Variants in IGSF21 observed in about 807,000 individuals in gnomAD.
IGSF21 encodes immunoglobin superfamily member 21, also known as immunoglobulin superfamily member 21.
A neutral mutation model predicts 46.8 loss-of-function variants in IGSF21; 28 were observed. The observed-to-expected ratio is 0.60, with a 90% CI of 0.44 to 0.82. The LOEUF is 0.82. IGSF21 is among the 40% of genes least tolerant of loss of function. The pLI is 0.00. For synonymous variants in IGSF21, 284 were observed against 273.6 expected, an observed-to-expected ratio of 1.04 and a Z score of -0.38; for missense variants, 624 against 665.5, an observed-to-expected ratio of 0.94 and a Z score of 0.69.
chr1:18,189,767 A>G (rs1216615523), intron 1 of IGSF21, among the ~76,000 whole-genome samples: 1 of 152,096 alleles, frequency 6.6e-6, no homozygotes, highest in Non-Finnish European at 1.5e-5. Context: ...AACAATGGGG[A>G]GTGGCTGTAA....
At chr1:18,208,015 A>G (rs903791718) in intron 1 of IGSF21, among the ~76,000 whole-genome samples, 1 of 152,198 alleles carries the variant, frequency 6.6e-6, no homozygotes, top group Non-Finnish European at 1.5e-5. Context: ...AGTGGCAGGA[A>G]TTCGCTTTGA....
intron 2 of IGSF21, among the ~76,000 whole-genome samples, chr1:18,286,335 C>T (rs957201507): frequency 2.0e-5 from 3 of 152,178 alleles, no homozygotes; most frequent in South Asian, 2.1e-4. Flanking sequence ...AACATCCCTT[C>T]GTATGCCAGG....
chr1:18,219,514 A>C (rs2084485477), intron 1 of IGSF21, among the ~76,000 whole-genome samples: 1 of 151,742 alleles, frequency 6.6e-6, no homozygotes, highest in African/African-American at 2.4e-5. Flanking sequence ...TGAGGAAACA[A>C]ATGATGGTGG....
At chr1:18,135,661 T>C (rs1209438510) in intron 1 of IGSF21, among the ~76,000 whole-genome samples, 1 of 152,190 alleles carries the variant, frequency 6.6e-6, no homozygotes, top group African/African-American at 2.4e-5. Context: ...CAGTCTATCA[T>C]TGTTGGACAT....
intron 1 of IGSF21, among the ~76,000 whole-genome samples, chr1:18,153,691 T>A (rs1015913382): frequency 1.3e-5 from 2 of 151,210 alleles, no homozygotes; most frequent in Admixed American, 6.6e-5. Context: ...GAAGTGATCA[T>A]CTGTGGTGGT....
chr1:18,150,761 C>T (rs189893801), intron 1 of IGSF21, among the ~76,000 whole-genome samples: 116 of 152,344 alleles, frequency 7.6e-4, no homozygotes, highest in African/African-American at 2.5e-3. Context: ...CAAGATACCC[C>T]ATCAGGGACT....
At chr1:18,116,642 C>T (rs963594871) in intron 1 of IGSF21, among the ~76,000 whole-genome samples, 1 of 152,170 alleles carries the variant, frequency 6.6e-6, no homozygotes, top group Non-Finnish European at 1.5e-5. Flanking sequence ...TAAGCAGCTG[C>T]CCCAGGCCTG....
At chr1:18,171,071 G>A (rs1251054317) in intron 1 of IGSF21, among the ~76,000 whole-genome samples, 1 of 151,926 alleles carries the variant, frequency 6.6e-6, no homozygotes, top group Non-Finnish European at 1.5e-5. Context: ...GACTAGGTGT[G>A]TGGAATGAGC....
At chr1:18,227,242 G>C (rs1285759090) in intron 1 of IGSF21, among the ~76,000 whole-genome samples, 1 of 152,112 alleles carries the variant, frequency 6.6e-6, no homozygotes, top group Non-Finnish European at 1.5e-5. Context: ...AGGGTGTTAA[G>C]GAAGCCAATG....
intron 5 of IGSF21, among the ~76,000 whole-genome samples, chr1:18,364,803 C>T (rs1569883165): frequency 1.3e-5 from 2 of 152,152 alleles, no homozygotes; most frequent in East Asian, 1.9e-4. Context: ...TTTCCCTCAT[C>T]CCCAGGACCT....
intron 1 of IGSF21, among the ~76,000 whole-genome samples, chr1:18,225,062 ATCTCTC>A (rs111721151): frequency 0.042 from 2,678 of 63,714 alleles, 191 homozygotes; most frequent in African/African-American, 0.15. Flanking sequence ...GAGACTCTGT[ATCTCTC>A]TCTCTCTCTC....
At chr1:18,155,862 A>T (rs1459095845) in intron 1 of IGSF21, among the ~76,000 whole-genome samples, 2 of 152,360 alleles carry the variant, frequency 1.3e-5, no homozygotes, top group East Asian at 1.9e-4. Context: ...TCCCTGCGGG[A>T]TCAAGAACGG....
Position 18,291,858 on chromosome 1 carries a change from T to G in IGSF21, c.184-8T>G. 6.2e-7 allele frequency: 1 copy of G among 1,613,496 alleles called. No homozygotes were observed. Among genetic ancestry groups the G allele is most frequent in the Non-Finnish European group, 8.5e-7 (1 of 1,179,624 alleles). On this transcript the variant is annotated splice_polypyrimidine_tract_variant and splice_region_variant and intron_variant, in intron 2 of 9. Coordinates refer to ENST00000251296, the MANE Select transcript of IGSF21 (RefSeq NM_032880.5). Reference sequence around the variant, plus strand: ...CTCACGTGTGGCTATCTCTGTGCTCTGTGGCAGGTGACGGATGGTGGCACC... The same window carrying G: ...CTCACGTGTGGCTATCTCTGTGCTCGGTGGCAGGTGACGGATGGTGGCACC...
intron 2 of IGSF21, among the ~76,000 whole-genome samples, chr1:18,246,803 T>C (rs554142471): frequency 6.6e-6 from 1 of 152,274 alleles, no homozygotes; most frequent in African/African-American, 2.4e-5. Context: ...GTCCTCAGGC[T>C]CTGCACCCTG....
chr1:18,273,432 T>C (rs2124547805), intron 2 of IGSF21, among the ~76,000 whole-genome samples: 2 of 136,372 alleles, frequency 1.5e-5, no homozygotes, highest in South Asian at 4.5e-4. Context: ...TTCCTTTCCT[T>C]TCTTTCTTTC....
chr1:18,184,252 G>A (rs572753667), intron 1 of IGSF21, among the ~76,000 whole-genome samples: 2 of 152,256 alleles, frequency 1.3e-5, no homozygotes, highest in East Asian at 1.9e-4. Context: ...TTTCAAAGAT[G>A]ATGAGAGATA....
chr1:18,122,813 A>G (rs1869806), intron 1 of IGSF21, among the ~76,000 whole-genome samples: 146,894 of 152,044 alleles, frequency 0.97, 71,142 homozygotes, highest in East Asian at 1. Flanking sequence ...TTTTAGTAGA[A>G]ATGGGGTTTC....
At chr1:18,272,667 T>C (rs1166887400) in intron 2 of IGSF21, among the ~76,000 whole-genome samples, 1 of 152,262 alleles carries the variant, frequency 6.6e-6, no homozygotes, top group Non-Finnish European at 1.5e-5. Flanking sequence ...GCTGGATCTC[T>C]TAATAGGTTG....
chr1:18,116,818 T>C (rs1323349194), intron 1 of IGSF21, among the ~76,000 whole-genome samples: 1 of 152,232 alleles, frequency 6.6e-6, no homozygotes, highest in Non-Finnish European at 1.5e-5. Flanking sequence ...TCTGAAGGAT[T>C]GAAACAATCT....
Sources: allele counts gnomAD v4.1 joint callset (sites outside exome capture counted in the v4.1 genomes callset), GRCh38; gene constraint gnomAD v4.1.1; transcripts MANE v1.5; gene names NCBI Gene and HGNC (gene_info 2026-07-23, HGNC 2026-07-21).